Variants in SLC12A7 observed in about 807,000 individuals in gnomAD.
SLC12A7 encodes solute carrier family 12 member 7.
SLC12A7 carries 100 observed loss-of-function variants against 120.6 expected under a neutral mutation model. That is an observed-to-expected ratio of 0.83 (90% confidence interval 0.71 to 0.98). The LOEUF is 0.98. Among genes scored for constraint, SLC12A7 ranks in the 50% least tolerant of loss-of-function variants. The probability of loss-of-function intolerance (pLI) is 0.00; values close to 1 mark genes in which losing one functional copy is unlikely to be tolerated. For missense variants in SLC12A7, 1,373 were observed against 1,548.1 expected (o/e 0.89, Z 1.90); for synonymous variants, 760 against 678.0 (o/e 1.12, Z -1.88).
chr5:1,127,235 G>A, the SLC12A7 span, among the ~76,000 whole-genome samples: 15,114 of 152,206 alleles, frequency 0.099, 897 homozygotes, highest in East Asian at 0.2. Context: ...GGATAGTCTC[G>A]ATCTCTTGAC....
At chr5:1,067,250 C>T (rs994101824) in intron 17 of SLC12A7, among the ~76,000 whole-genome samples, 1 of 152,194 alleles carries the variant, frequency 6.6e-6, no homozygotes, top group African/African-American at 2.4e-5. Flanking sequence ...GAACACGTTA[C>T]CCCCAAGGGG....
chr5:1,119,988 A>G, the SLC12A7 span, among the ~76,000 whole-genome samples: 95,125 of 152,168 alleles, frequency 0.63, 29,924 homozygotes, highest in African/African-American at 0.67. Context: ...ATAGGTCAAC[A>G]GCCTGTCATT....
At chr5:1,094,728 C>T (rs1740912153) in intron 1 of SLC12A7, among the ~76,000 whole-genome samples, 2 of 152,198 alleles carry the variant, frequency 1.3e-5, no homozygotes, top group African/African-American at 4.8e-5. Flanking sequence ...CCTAGCCTTG[C>T]TGCTTAATCC....
intron 6 of SLC12A7, 139 bp from the exon 7 acceptor site, chr5:1,085,612 G>A: frequency 1.6e-6 from 2 of 1,268,132 alleles, no homozygotes; most frequent in Non-Finnish European, 1.1e-6. Context: ...GTGCTGGACG[G>A]AGCCCGCGGG....
the SLC12A7 span, among the ~76,000 whole-genome samples, chr5:1,119,856 C>A: frequency 6.6e-6 from 1 of 152,240 alleles, no homozygotes; most frequent in Admixed American, 6.5e-5. Context: ...GGCCCTGTAG[C>A]CTCAGGCCTC....
chr5:1,052,796 G>A (rs1400144046), intron 23 of SLC12A7, among the ~76,000 whole-genome samples: 2 of 152,216 alleles, frequency 1.3e-5, no homozygotes, highest in East Asian at 1.9e-4. Flanking sequence ...CACGGATTCC[G>A]ATCAGGACGC....
intron 22 of SLC12A7, among the ~76,000 whole-genome samples, chr5:1,054,729 G>A (rs1384091734): frequency 6.6e-6 from 1 of 152,226 alleles, no homozygotes; most frequent in African/African-American, 2.4e-5. Flanking sequence ...CCAGGCTCAC[G>A]CCCTTTGATC....
At chr5:1,061,455 AT>A (rs1736256542) in intron 20 of SLC12A7, among the ~76,000 whole-genome samples, 3 of 68,476 alleles carry the variant, frequency 4.4e-5, no homozygotes, top group Admixed American at 1.7e-4. Flanking sequence ...GCCGTGCGGG[AT>A]CCCTGAGTCT....
Position 1,089,138 on chromosome 5 carries a change from A to G in SLC12A7, c.343-10T>C. The G allele has an allele frequency of 6.2e-7, 1 of 1,611,874 alleles. No homozygotes were observed. The highest frequency in any genetic ancestry group is 1.1e-5 in the South Asian group (1 of 91,072). Reference sequence around the variant, plus strand: ...TGCCCATGCGCGGAGCCTGCGACAGAGCATAGCGTGTCCCAGGGGCTCGTA... The same window carrying G: ...TGCCCATGCGCGGAGCCTGCGACAGGGCATAGCGTGTCCCAGGGGCTCGTA... On this transcript the variant is annotated splice_polypyrimidine_tract_variant and intron_variant, in intron 3 of 23. Transcript: ENST00000264930.
Position 1,083,856 on chromosome 5 carries a change from CCCAGAGCGCGGAGGTGGCTGA to C in SLC12A7, c.997_1017del (p.Ser333_Trp339del). The C allele has an allele frequency of 3.1e-6, 5 of 1,607,788 alleles. No individual in the cohort carries two copies. The highest frequency in any genetic ancestry group is 4.2e-6 in the Non-Finnish European group (5 of 1,176,836). ...GGCTGGGAGCCGTTGCAGAAGAGGC[CCCAGAGCGCGGAGGTGGCTGA>C]GTTGTTGTGGATGCCGTAGGCCTTG... On this transcript the variant is annotated inframe_deletion, in exon 8 of 24. Coordinates refer to ENST00000264930, the MANE Select transcript of SLC12A7 (RefSeq NM_006598.3).
chr5:1,084,599 G>A (rs369865176), intron 7 of SLC12A7, among the ~76,000 whole-genome samples: 3 of 152,224 alleles, frequency 2.0e-5, no homozygotes, highest in South Asian at 2.1e-4. Context: ...GGGTCCCCGA[G>A]GGGGAGGGCA....
At chr5:1,103,985 A>C (rs1742262969) in intron 1 of SLC12A7, among the ~76,000 whole-genome samples, 1 of 152,208 alleles carries the variant, frequency 6.6e-6, no homozygotes. Context: ...AGATGAAGGA[A>C]GGCGGGAGAG....
intron 3 of SLC12A7, among the ~76,000 whole-genome samples, chr5:1,089,624 T>G (rs981415439): frequency 6.7e-5 from 10 of 149,972 alleles, no homozygotes; most frequent in Non-Finnish European, 1.5e-4. Context: ...GGGCAGAAAC[T>G]GACACATCTT....
chr5:1,113,372 G>A (rs1283308944), upstream of SLC12A7, among the ~76,000 whole-genome samples: 2 of 152,152 alleles, frequency 1.3e-5, no homozygotes, highest in South Asian at 2.1e-4. Context: ...CGGGCTCTGT[G>A]GGTTCAAGGA....
At chr5:1,076,377 C>T in intron 13 of SLC12A7, 141 bp from the exon 14 acceptor site, 1 of 710,380 alleles carries the variant, frequency 1.4e-6, no homozygotes, top group Non-Finnish European at 2.3e-6. Context: ...CGTGAGCTGA[C>T]TCAGACTGAT....
the SLC12A7 span, among the ~76,000 whole-genome samples, chr5:1,151,864 C>T: frequency 3.3e-5 from 5 of 152,136 alleles, no homozygotes; most frequent in African/African-American, 4.8e-5. The surrounding 1 kb of genome is among the most constrained non-coding windows in gnomAD (Gnocchi z 6.2). Flanking sequence ...TCATCCCTTC[C>T]GGGTCTGGGG....
chr5:1,057,617 G>A lies in SLC12A7; in HGVS notation c.2880C>T (p.Ser960=), dbSNP rs116532357. Residue 960 remains serine, a synonymous_variant, in exon 22 of 24, where the codon TCC becomes TCT. Transcript: ENST00000264930. ...GGGTCCTGGCTGCCGCCGCGGTGTG[G>A]GACGCGGTGTTCCTGTCGTGGATCA... ...AQLIHDRNTA[S]HTAAAARTQA... 19,400 of 1,604,782 alleles carry A rather than the reference G, an allele frequency of 0.012. 194 individuals are homozygous for A. Among genetic ancestry groups the A allele is most frequent in the South Asian group, 0.034 (3,105 of 91,004 alleles).
chr5:1,078,610 C>G, intron 11 of SLC12A7, 91 bp downstream of exon 11: 1 of 1,075,430 alleles, frequency 9.3e-7, no homozygotes, highest in South Asian at 1.3e-5. Context: ...ACATGAAGTC[C>G]TAGGGCGATG....
At chr5:1,154,434 C>T in the SLC12A7 span, among the ~76,000 whole-genome samples, 1 of 151,992 alleles carries the variant, frequency 6.6e-6, no homozygotes, top group Admixed American at 6.6e-5. Flanking sequence ...CACAGACACA[C>T]ACTACACATA....
Sources: gnomAD v4.1 joint callset for allele counts (sites outside exome capture counted in the v4.1 genomes callset) on GRCh38, gnomAD v4.1.1 for gene constraint, Gnocchi (gnomAD v3.1) non-coding constraint, MANE v1.5 for transcripts, NCBI Gene and HGNC (gene_info 2026-07-23, HGNC 2026-07-21) for gene names.